Variants in SGCD observed in about 807,000 individuals in gnomAD.
SGCD encodes the protein sarcoglycan delta.
A neutral mutation model predicts 36.6 loss-of-function variants in SGCD; 18 were observed. That is an observed-to-expected ratio of 0.49 (90% CI 0.34 to 0.73). The LOEUF is 0.73. SGCD is among the 30% of genes least tolerant of loss of function. The pLI, the probability that SGCD is intolerant of heterozygous loss-of-function variation, is 0.01. For synonymous variants in SGCD, 133 were observed against 130.6 expected (o/e 1.02, Z -0.12); for missense variants, 387 against 346.7 (o/e 1.12, Z -0.92).
intron 7 of SGCD, among the ~76,000 whole-genome samples, chr5:156,722,060 G>A (rs537534739): frequency 6.6e-6 from 1 of 152,266 alleles, no homozygotes; most frequent in Admixed American, 6.5e-5. Flanking sequence ...ATCTCTATAA[G>A]CCTTGAGTGC....
chr5:156,335,865 A>G (rs1454589317), intron 2 of SGCD, among the ~76,000 whole-genome samples: 2 of 152,130 alleles, frequency 1.3e-5, no homozygotes, highest in African/African-American at 2.4e-5. Context: ...CCACCTGTCT[A>G]TAGGCCTGGG....
At chr5:155,782,072 C>T in the SGCD span, among the ~76,000 whole-genome samples, 6 of 147,900 alleles carry the variant, frequency 4.1e-5, no homozygotes, top group African/African-American at 1.0e-4. Context: ...GTTTCCCAGG[C>T]GGAGTGCAGC....
In SGCD at chr5:156,012,472, C is replaced by T. The variant is rs533908124; in HGVS notation, c.-281-105406C>T. On this transcript the variant is annotated intron_variant, in intron 1 of 9. Coordinates refer to the SGCD transcript ENST00000517913. ...GGTGGAAATGTAAATGATTCAAATC[C>T]CACCATTCAGTGAAGTCAGTGATGA... is the stretch of plus-strand genomic sequence containing the variant. Among the ~76,000 whole-genome samples, 12 of 152,148 alleles carry T rather than the reference C, an allele frequency of 7.9e-5. No homozygotes were observed. The East Asian group carries it at 1.9e-3, about 24-fold the overall frequency.
chr5:156,392,406 T>C (rs1771623364), intron 3 of SGCD, among the ~76,000 whole-genome samples: 1 of 152,176 alleles, frequency 6.6e-6, no homozygotes, highest in South Asian at 2.1e-4. Flanking sequence ...GGGTGTGGCT[T>C]GCTTCTTCAG....
chr5:155,996,383 C>T (rs915948179), intron 1 of SGCD, among the ~76,000 whole-genome samples: 5 of 152,204 alleles, frequency 3.3e-5, no homozygotes, highest in African/African-American at 9.6e-5. Context: ...TGACAAGAAA[C>T]GGGTTCCAAA....
intron 7 of SGCD, among the ~76,000 whole-genome samples, chr5:156,731,746 T>C (rs1036269055): frequency 1.3e-5 from 2 of 152,194 alleles, no homozygotes. Context: ...TAGCATTGAA[T>C]CTATAAATTG....
chr5:156,012,940 C>T lies in SGCD; in HGVS notation c.-281-104938C>T, dbSNP rs6863723. ...TTCTTTTTAATGATTTATAGCATTCCATTTATATATATATTTATTATTTAT... is the reference window on the plus strand; with the variant it reads ...TTCTTTTTAATGATTTATAGCATTCTATTTATATATATATTTATTATTTAT... On this transcript the variant is annotated intron_variant, in intron 1 of 9. Coordinates refer to the SGCD transcript ENST00000517913. 2.3e-3 allele frequency among the ~76,000 whole-genome samples: 351 copies of T among 149,402 alleles called. 2 individuals carry two copies. Among genetic ancestry groups the T allele is most frequent in the African/African-American group, 8.0e-3 (327 of 41,006 alleles).
At chr5:156,269,972 G>T (rs1011657794) in intron 3 of SGCD, among the ~76,000 whole-genome samples, 4 of 152,192 alleles carry the variant, frequency 2.6e-5, no homozygotes, top group African/African-American at 7.2e-5. Context: ...CAATGAAAGT[G>T]CCTAGGTTGT....
chr5:156,274,347 A>G (rs1293222276), intron 3 of SGCD, among the ~76,000 whole-genome samples: 1 of 152,144 alleles, frequency 6.6e-6, no homozygotes, highest in Non-Finnish European at 1.5e-5. Context: ...GGGAATAATT[A>G]GTCCCTATTT....
At chr5:156,183,283 G>C (rs2127628195) in intron 3 of SGCD, among the ~76,000 whole-genome samples, 1 of 152,302 alleles carries the variant, frequency 6.6e-6, no homozygotes, top group South Asian at 2.1e-4. Context: ...AAGAATTAAA[G>C]AGGCAAATAG....
At chr5:156,183,776 A>G (rs1299322975) in intron 3 of SGCD, among the ~76,000 whole-genome samples, 1 of 152,186 alleles carries the variant, frequency 6.6e-6, no homozygotes, top group Admixed American at 6.5e-5. Context: ...CTCTATCAAG[A>G]GGAAGGGGAG....
chr5:156,009,639 G>A (rs1758819264), intron 1 of SGCD, among the ~76,000 whole-genome samples: 1 of 152,166 alleles, frequency 6.6e-6, no homozygotes, highest in Non-Finnish European at 1.5e-5. Flanking sequence ...GAAACAATCA[G>A]GTTATGGCTG....
At chr5:156,665,361 C>T (rs985236735) in intron 7 of SGCD, among the ~76,000 whole-genome samples, 34 of 150,860 alleles carry the variant, frequency 2.3e-4, no homozygotes, top group East Asian at 7.8e-4. Flanking sequence ...GAGCCATTAC[C>T]GGCTCTGCTA....
chr5:156,059,297 C>T (rs1319424455), intron 1 of SGCD, among the ~76,000 whole-genome samples: 1 of 145,358 alleles, frequency 6.9e-6, no homozygotes, highest in Non-Finnish European at 1.6e-5. Flanking sequence ...AAAGGGAAGG[C>T]GGGTTTATTT....
At position 156,644,416 on chromosome 5, in the gene SGCD, T is replaced by C. The variant is rs545406479; in HGVS notation, c.503-3048T>C. On this transcript the variant is annotated intron_variant, in intron 6 of 8. Coordinates refer to ENST00000337851, the MANE Select transcript of SGCD (RefSeq NM_000337.6). Reference sequence around the variant, plus strand: ...TTGGAGTTTTAAAGAATTACGCGTTTTTAGGGCTTTGATGTTTTAGTTAAG... The same window carrying C: ...TTGGAGTTTTAAAGAATTACGCGTTCTTAGGGCTTTGATGTTTTAGTTAAG... 1.3e-5 allele frequency among the ~76,000 whole-genome samples: 2 copies of C among 152,250 alleles called. 1 individual carries two copies. Among genetic ancestry groups the C allele is most frequent in the South Asian group, 4.1e-4 (2 of 4,822 alleles).
At chr5:155,761,477 CTCTCCATCACCT>C in the SGCD span, among the ~76,000 whole-genome samples, 15 of 143,618 alleles carry the variant, frequency 1.0e-4, no homozygotes, top group African/African-American at 3.3e-4. Context: ...CACCATCACC[CTCTCCATCACCT>C]TCTCCATCAT....
intron 3 of SGCD, among the ~76,000 whole-genome samples, chr5:156,187,743 G>A (rs905115987): frequency 6.6e-6 from 1 of 152,140 alleles, no homozygotes; most frequent in Non-Finnish European, 1.5e-5. Flanking sequence ...GAAAGGGTGG[G>A]AAAGACCTTG....
At chr5:156,021,056 A>G (rs186590759) in intron 1 of SGCD, among the ~76,000 whole-genome samples, 137 of 152,294 alleles carry the variant, frequency 9.0e-4, no homozygotes, top group African/African-American at 3.2e-3. Context: ...TTGCTTGAGG[A>G]CATTTATCTT....
intron 1 of SGCD, among the ~76,000 whole-genome samples, chr5:155,894,718 A>G (rs1170067654): frequency 6.6e-6 from 1 of 151,836 alleles, no homozygotes; most frequent in Non-Finnish European, 1.5e-5. Flanking sequence ...TCCTTACGAG[A>G]CTCTAACGCC....
Sources: gnomAD v4.1 joint callset for allele counts (sites outside exome capture counted in the v4.1 genomes callset) on GRCh38, gnomAD v4.1.1 for gene constraint, MANE v1.5 for transcripts, NCBI Gene and HGNC (gene_info 2026-07-23, HGNC 2026-07-21) for gene names.